The following MYO10 variants were observed in gnomAD, a reference collection of about 807,000 sequenced individuals.
MYO10 encodes unconventional myosin-X.
A neutral mutation model predicts 257.3 loss-of-function variants in MYO10; 133 were observed. The ratio of observed to expected loss-of-function variants is 0.52; its 90% CI spans 0.45 to 0.60. MYO10 has a LOEUF of 0.60. Ranked by LOEUF, MYO10 falls within the 20% of genes least tolerant of loss-of-function variation. The pLI is 0.00. For missense variants in MYO10, 2,399 were observed against 2,635.7 expected (o/e 0.91, Z 1.97); for synonymous variants, 1,104 against 1,028.6 (o/e 1.07, Z -1.40).
intron 37 of MYO10, among the ~76,000 whole-genome samples, chr5:16,672,146 T>G (rs1736496064): frequency 6.6e-6 from 1 of 151,892 alleles, no homozygotes; most frequent in Non-Finnish European, 1.5e-5. Flanking sequence ...AATACAAAAA[T>G]TAGCTGGGCG....
intron 2 of MYO10, among the ~76,000 whole-genome samples, chr5:16,864,806 G>A (rs1326632112): frequency 6.6e-6 from 1 of 152,140 alleles, no homozygotes; most frequent in Non-Finnish European, 1.5e-5. Flanking sequence ...GCAAATTCTT[G>A]GAAGAGGTCT....
At chr5:16,828,466 A>C (rs1427321519) in intron 2 of MYO10, among the ~76,000 whole-genome samples, 1 of 152,008 alleles carries the variant, frequency 6.6e-6, no homozygotes, top group Non-Finnish European at 1.5e-5. Flanking sequence ...TAAAAATAAC[A>C]AAAGTTAGCA....
At chr5:16,755,068 AATAAAC>A (rs1237513717) in intron 18 of MYO10, among the ~76,000 whole-genome samples, 160 bp from the exon 19 acceptor site, 1 of 152,282 alleles carries the variant, frequency 6.6e-6, no homozygotes, top group Admixed American at 6.5e-5. Context: ...TCTAATATAA[AATAAAC>A]ATACTGAGTC....
In MYO10 at chr5:16,829,661, A is replaced by G. The variant is rs78027085; in HGVS notation, c.121-11494T>C. Among the ~76,000 whole-genome samples the G allele has an allele frequency of 1.6e-3, 243 of 152,292 alleles. 1 individual carries two copies. Among genetic ancestry groups the G allele is most frequent in the African/African-American group, 5.6e-3 (233 of 41,558 alleles). ...GCAGGGCTGCAGGCAGGCTAACAGG[A>G]TAAGTCAAGAAGTCTGAAACATCCA... On this transcript the variant is annotated intron_variant, in intron 2 of 40. Transcript: ENST00000513610.
intron 29 of MYO10, 93 bp downstream of exon 29, chr5:16,685,645 A>C (rs1469761604): frequency 5.2e-6 from 5 of 962,010 alleles, no homozygotes; most frequent in Non-Finnish European, 7.9e-6. Flanking sequence ...GACTGTCTGG[A>C]AATTCCCAAT....
intron 1 of MYO10, among the ~76,000 whole-genome samples, chr5:16,909,339 C>T (rs1007199002): frequency 1.3e-5 from 2 of 152,024 alleles, no homozygotes; most frequent in African/African-American, 4.8e-5. Flanking sequence ...AACCTTGCCT[C>T]TACTAAAAAT....
chr5:16,759,735 G>A (rs372348730), intron 17 of MYO10, among the ~76,000 whole-genome samples: 5 of 152,090 alleles, frequency 3.3e-5, no homozygotes, highest in South Asian at 4.2e-4. Flanking sequence ...TAAACGTATC[G>A]CATTAAACTA....
chr5:16,684,015 A>G, intron 29 of MYO10, 80 bp from the exon 30 acceptor site: 1 of 1,258,988 alleles, frequency 7.9e-7, no homozygotes, highest in Non-Finnish European at 1.1e-6. Context: ...CTAGCCCACA[A>G]CTCCCAATCA....
Position 16,670,822 on chromosome 5 carries a change from G to T in MYO10, c.5587C>A (p.Arg1863Ser), listed in dbSNP as rs531137935. The part of the protein sequence containing the change: ...EVYSLQRLKA[R>S]ISQSTKTFTP... ...AAGGTTTTGGTTGACTGGCTGATGCGGGCCTTGAGTCTCTGCAGGGAATAA... is the reference window on the plus strand; with the variant it reads ...AAGGTTTTGGTTGACTGGCTGATGCTGGCCTTGAGTCTCTGCAGGGAATAA... Residue 1863 changes from arginine (R) to serine (S), a missense_variant, in exon 39 of 41, where the codon CGC (arginine) becomes AGC (serine). Around this residue, in one of 3 missense-constraint regions of MYO10, gnomAD observed 1,820 missense variants for 1,939.4 expected, o/e 0.94. Coordinates refer to ENST00000513610, the MANE Select transcript of MYO10 (RefSeq NM_012334.3). 2 of 1,614,014 alleles carry T rather than the reference G, an allele frequency of 1.2e-6. No individual in the cohort carries two copies. Among genetic ancestry groups the T allele is most frequent in the South Asian group, 2.2e-5 (2 of 91,088 alleles).
In MYO10 at chr5:16,811,068, C is replaced by CAAAA. The variant is rs11420807; in HGVS notation, c.279+6937_279+6940dup. Among the ~76,000 whole-genome samples, 22 of 108,972 alleles carry CAAAA rather than the reference C, an allele frequency of 2.0e-4. 1 individual carries two copies. Among genetic ancestry groups the CAAAA allele is most frequent in the East Asian group, 6.0e-4 (2 of 3,360 alleles). 71.5% of individuals were successfully genotyped at this position (108,972 alleles called of 152,430 possible). A position where few individuals can be genotyped will look rare whatever the true frequency, so the allele number is the denominator to read the frequency against. ...TGGGCGAAAGAGCAAGACTCTGTCTCAAAAAAAAAAAAAAAAACAAAAAGA... is the reference window on the plus strand; with the variant it reads ...TGGGCGAAAGAGCAAGACTCTGTCTCAAAAAAAAAAAAAAAAAAAAACAAAAAGA... On this transcript the variant is annotated intron_variant, in intron 3 of 40. Transcript: ENST00000513610.
chr5:16,807,083 T>G (rs1742299314), intron 3 of MYO10, among the ~76,000 whole-genome samples: 2 of 152,194 alleles, frequency 1.3e-5, no homozygotes. Flanking sequence ...GGAAGAGTTG[T>G]TAAGAAGTGA....
chr5:16,671,066 T>G, intron 38 of MYO10, 88 bp from the exon 39 acceptor site: 1 of 1,220,628 alleles, frequency 8.2e-7, no homozygotes, highest in Non-Finnish European at 1.1e-6. Context: ...TTCATGAGGG[T>G]TTCTCTCAAA....
At chr5:16,932,389 AAC>A (rs1746315578) in intron 1 of MYO10, among the ~76,000 whole-genome samples, 1 of 152,184 alleles carries the variant, frequency 6.6e-6, no homozygotes, top group Admixed American at 6.5e-5. Context: ...AAGACATGAA[AAC>A]AGTGTCCACT....
At chr5:16,763,590 C>G (rs376928786) in intron 13 of MYO10, 43 bp from the exon 14 acceptor site, 1 of 1,584,990 alleles carries the variant, frequency 6.3e-7, no homozygotes. Flanking sequence ...GAAAACATAG[C>G]TTCAAAACGA....
chr5:16,749,366 A>G (rs1156327486), intron 19 of MYO10, among the ~76,000 whole-genome samples: 1 of 152,020 alleles, frequency 6.6e-6, no homozygotes, highest in East Asian at 1.9e-4. Context: ...ACATGCCTGT[A>G]ATCTTCGCTA....
Position 16,689,837 on chromosome 5 carries a change from G to C in MYO10, c.3883C>G (p.Pro1295Ala), listed in dbSNP as rs370698288. The C allele has an allele frequency of 1.2e-6, 2 of 1,612,628 alleles. No individual in the cohort carries two copies. ...GCGCAGACTCACCTGGCATCTTCTG[G>C]GGACTCTGCAATCAGGTGGAAAGTC... Reference protein sequence around the residue: ...DRTFHLIAESPEDASQWFSVL... With the variant: ...DRTFHLIAESAEDASQWFSVL... Residue 1295 changes from proline to alanine, a missense_variant, in exon 28 of 41, where the codon CCA becomes GCA. Physicochemically the swap from Pro to Ala is conservative, Grantham distance 27. This residue lies in a region of MYO10 where 1,820 missense variants were observed against 1,939.4 expected (regional missense o/e 0.94). Coordinates refer to ENST00000513610, the MANE Select transcript of MYO10 (RefSeq NM_012334.3).
At chr5:16,904,395 G>A (rs1398420004) in intron 1 of MYO10, among the ~76,000 whole-genome samples, 1 of 152,194 alleles carries the variant, frequency 6.6e-6, no homozygotes. Flanking sequence ...AGAAGATCAA[G>A]GGAACCCTGA....
chr5:16,684,250 A>G (rs1205215502), intron 29 of MYO10, among the ~76,000 whole-genome samples: 2 of 151,980 alleles, frequency 1.3e-5, no homozygotes, highest in Non-Finnish European at 2.9e-5. Flanking sequence ...TTTTAATTTA[A>G]TTTGTTTGTT....
chr5:16,856,555 A>G (rs1355515847), intron 2 of MYO10, among the ~76,000 whole-genome samples: 1 of 152,060 alleles, frequency 6.6e-6, no homozygotes, highest in Non-Finnish European at 1.5e-5. Flanking sequence ...GTCTCAAAAA[A>G]AAAAAAAGAG....
Sources: allele counts gnomAD v4.1 joint callset (sites outside exome capture counted in the v4.1 genomes callset), GRCh38; gene constraint gnomAD v4.1.1; regional missense constraint gnomAD v4.1.1; transcripts MANE v1.5; gene names NCBI Gene and HGNC (gene_info 2026-07-23, HGNC 2026-07-21).